Variants in NPAS2 observed in about 807,000 individuals in gnomAD.
NPAS2 encodes neuronal PAS domain protein 2, also known as neuronal PAS domain-containing protein 2.
NPAS2 carries 23 observed loss-of-function variants against 107.5 expected under a neutral mutation model. The observed-to-expected ratio is 0.21, with a 90% CI of 0.15 to 0.30. The LOEUF is 0.30. NPAS2 is among the 10% of genes least tolerant of loss of function. The pLI is 1.00. For missense variants in NPAS2, 756 were observed against 1,043.3 expected, an observed-to-expected ratio of 0.72 and a Z score of 3.79; for synonymous variants, 403 against 417.5, an observed-to-expected ratio of 0.97 and a Z score of 0.42.
chr2:100,912,464 C>T (rs1344260584), intron 2 of NPAS2, among the ~76,000 whole-genome samples: 4 of 152,092 alleles, frequency 2.6e-5, no homozygotes, highest in Admixed American at 6.5e-5. Context: ...TAACAAACCA[C>T]CCCAAAATGT....
At chr2:100,926,209 T>C (rs1206203626) in intron 3 of NPAS2, among the ~76,000 whole-genome samples, 1 of 152,228 alleles carries the variant, frequency 6.6e-6, no homozygotes, top group East Asian at 1.9e-4. Context: ...TTTACAATTT[T>C]TGGAAATTAT....
intron 17 of NPAS2, 169 bp from the exon 18 acceptor site, chr2:100,990,087 C>T: frequency 1.5e-6 from 1 of 685,192 alleles, no homozygotes; most frequent in Non-Finnish European, 2.6e-6. Context: ...GATTCAAATA[C>T]AATCCAATGG....
intron 4 of NPAS2, among the ~76,000 whole-genome samples, chr2:100,936,248 C>T (rs922804533): frequency 3.9e-5 from 6 of 152,360 alleles, no homozygotes; most frequent in African/African-American, 4.8e-5. Flanking sequence ...TTCCCGCTGC[C>T]ATGCACTTCA....
chr2:100,952,320 A>G (rs962219436), intron 7 of NPAS2, among the ~76,000 whole-genome samples: 5 of 152,046 alleles, frequency 3.3e-5, no homozygotes, highest in African/African-American at 9.7e-5. Context: ...CCCCATGACA[A>G]CAGTGCACAC....
chr2:100,973,834 CTTTG>C (rs1174742865), intron 12 of NPAS2, among the ~76,000 whole-genome samples: 1 of 152,052 alleles, frequency 6.6e-6, no homozygotes. Context: ...TTATCCCAAC[CTTTG>C]TTTGGTTTAT....
intron 7 of NPAS2, among the ~76,000 whole-genome samples, chr2:100,961,424 T>C (rs1675907759): frequency 6.6e-6 from 1 of 152,226 alleles, no homozygotes; most frequent in African/African-American, 2.4e-5. Flanking sequence ...TTATCACCCT[T>C]GATCATGCCC....
chr2:100,850,832 A>C (rs900379338), intron 1 of NPAS2, among the ~76,000 whole-genome samples: 1 of 151,872 alleles, frequency 6.6e-6, no homozygotes, highest in African/African-American at 2.4e-5. Flanking sequence ...GGGTGCCTGT[A>C]ATCCCAGCTA....
At chr2:100,944,202 C>G (rs920299316) in intron 5 of NPAS2, among the ~76,000 whole-genome samples, 1 of 152,176 alleles carries the variant, frequency 6.6e-6, no homozygotes, top group African/African-American at 2.4e-5. Flanking sequence ...GTTCTTTTCT[C>G]AAGGTGAAGT....
At chr2:100,989,352 A>ACCTGCAGT (rs1249938035) in intron 17 of NPAS2, 1 of 152,254 alleles carries the variant, frequency 6.6e-6, no homozygotes, top group East Asian at 1.9e-4. Flanking sequence ...AATACAGATA[A>ACCTGCAGT]ACACACATAT....
Position 100,822,508 on chromosome 2 carries a change from G to A in NPAS2, c.-23+2094G>A, listed in dbSNP as rs997251042. 8.6e-5 allele frequency among the ~76,000 whole-genome samples: 13 copies of A among 151,962 alleles called. 2 individuals carry two copies. In the South Asian group the frequency reaches 2.7e-3, roughly 32 times the overall value. ...TTTTGAACAATCTTTCTTAACTCTT[G>A]GTAATCTTTATAGCTCACTCAACAC... is the stretch of plus-strand genomic sequence containing the variant. On this transcript the variant is annotated intron_variant, in intron 1 of 20. Coordinates refer to ENST00000335681, the MANE Select transcript of NPAS2 (RefSeq NM_002518.4).
chr2:100,917,344 T>G (rs1255938081), intron 2 of NPAS2, among the ~76,000 whole-genome samples: 1 of 152,038 alleles, frequency 6.6e-6, no homozygotes, highest in Non-Finnish European at 1.5e-5. Flanking sequence ...CTGATCAACA[T>G]AGTGAAACCC....
At chr2:100,845,267 G>A (rs754263005) in intron 1 of NPAS2, among the ~76,000 whole-genome samples, 99 of 152,168 alleles carry the variant, frequency 6.5e-4, no homozygotes, top group Non-Finnish European at 8.4e-4. Flanking sequence ...GTTTGGCTTC[G>A]TGGATGGTGG....
At chr2:100,827,733 C>T (rs555295586) in intron 1 of NPAS2, among the ~76,000 whole-genome samples, 1 of 152,274 alleles carries the variant, frequency 6.6e-6, no homozygotes, top group African/African-American at 2.4e-5. Flanking sequence ...CTTTTTATGG[C>T]TGCATAGTAT....
intron 1 of NPAS2, among the ~76,000 whole-genome samples, chr2:100,879,440 AC>A (rs577730713): frequency 3.3e-5 from 5 of 150,986 alleles, no homozygotes; most frequent in Non-Finnish European, 5.9e-5. Context: ...AGCCTTGCTG[AC>A]CCCCCCTCAC....
rs760556254 is a variant in NPAS2 at position 100,995,607 on chromosome 2, C to A, written c.*25C>A. 3.1e-6 allele frequency: 5 copies of A among 1,593,790 alleles called. No individual in the cohort carries two copies. The highest frequency in any genetic ancestry group is 4.3e-6 in the Non-Finnish European group (5 of 1,169,998). On this transcript the variant is annotated 3_prime_UTR_variant, in exon 21 of 21. Coordinates refer to ENST00000335681, the MANE Select transcript of NPAS2 (RefSeq NM_002518.4). ...ATGCCCCGGCACTGAAGTCGGGACA[C>A]AATCAGCTTTAACCAATGGATGAGG...
intron 2 of NPAS2, among the ~76,000 whole-genome samples, chr2:100,907,501 C>CACAA (rs1173529830): frequency 6.6e-6 from 1 of 151,394 alleles, no homozygotes; most frequent in African/African-American, 2.4e-5. Flanking sequence ...CACACACACA[C>CACAA]ACACACACAC....
chr2:100,876,572 T>C (rs1010923426), intron 1 of NPAS2, among the ~76,000 whole-genome samples: 2 of 152,212 alleles, frequency 1.3e-5, no homozygotes, highest in Non-Finnish European at 2.9e-5. Flanking sequence ...ATTTGGAGAC[T>C]ATAGCCTTAA....
intron 15 of NPAS2, among the ~76,000 whole-genome samples, chr2:100,979,496 ATATATATTTTTTTT>A (rs1677279344): frequency 1.6e-5 from 1 of 60,752 alleles, no homozygotes; most frequent in African/African-American, 7.3e-5. Context: ...ATATATATAT[ATATATATTTTTTTT>A]TTTTTTTTTT....
intron 1 of NPAS2, among the ~76,000 whole-genome samples, chr2:100,837,985 G>C (rs888778671): frequency 1.3e-5 from 2 of 152,116 alleles, no homozygotes; most frequent in Admixed American, 6.5e-5. Flanking sequence ...GGTGGGAACA[G>C]GTCTTCAGCC....
Sources: gnomAD v4.1 joint callset for allele counts (sites outside exome capture counted in the v4.1 genomes callset) on GRCh38, gnomAD v4.1.1 for gene constraint, MANE v1.5 for transcripts, NCBI Gene and HGNC (gene_info 2026-07-23, HGNC 2026-07-21) for gene names.